Variants in ELMO1 observed in about 807,000 individuals in gnomAD.
ELMO1 encodes the protein engulfment and cell motility protein 1.
In ELMO1, 26 loss-of-function variants were observed where a neutral mutation model predicts 98.9. The observed-to-expected ratio is 0.26, with a 90% CI of 0.19 to 0.36. The LOEUF (loss-of-function observed/expected upper bound fraction) is 0.36, where lower values mean the gene tolerates loss of function less well. Ranked by LOEUF, ELMO1 falls within the 10% of genes least tolerant of loss-of-function variation. The pLI, the probability that ELMO1 is intolerant of heterozygous loss-of-function variation, is 1.00. For missense variants in ELMO1, 627 were observed against 935.2 expected (o/e 0.67, Z 4.30); for synonymous variants, 346 against 346.0 (o/e 1.00, Z 0.00).
intron 15 of ELMO1, among the ~76,000 whole-genome samples, chr7:37,017,628 G>A (rs897516577): frequency 6.6e-6 from 1 of 152,124 alleles, no homozygotes; most frequent in Non-Finnish European, 1.5e-5. Flanking sequence ...ACTGATGACT[G>A]GAGCTCCTGC....
chr7:37,347,827 T>G (rs1401454881), intron 1 of ELMO1, among the ~76,000 whole-genome samples: 2 of 152,172 alleles, frequency 1.3e-5, no homozygotes, highest in Admixed American at 1.3e-4. Flanking sequence ...ATCCTTGAAC[T>G]GGACACAAGG....
intron 1 of ELMO1, among the ~76,000 whole-genome samples, chr7:37,361,815 A>T (rs62462587): frequency 0.17 from 26,007 of 152,042 alleles, 2,860 homozygotes; most frequent in East Asian, 0.59. Flanking sequence ...AAAAAAATTA[A>T]CCAGGCGTGG....
intron 15 of ELMO1, among the ~76,000 whole-genome samples, chr7:37,080,600 A>ATTTTTTTTTTTTTTTTTTTT (rs764259726): frequency 5.7e-5 from 6 of 105,238 alleles, no homozygotes; most frequent in Admixed American, 1.1e-4. Flanking sequence ...ACCACGCCTA[A>ATTTTTTTTTTTTTTTTTTTT]TTTTTTTTTT....
At chr7:37,420,236 G>T (rs1176876375) in intron 1 of ELMO1, among the ~76,000 whole-genome samples, 1 of 152,184 alleles carries the variant, frequency 6.6e-6, no homozygotes, top group Admixed American at 6.5e-5. Context: ...CACTTCAACA[G>T]CACGAAGTGC....
chr7:37,250,475 T>C (rs772813355), intron 6 of ELMO1, among the ~76,000 whole-genome samples: 1 of 152,218 alleles, frequency 6.6e-6, no homozygotes, highest in Non-Finnish European at 1.5e-5. Context: ...TGCTTTTTTA[T>C]ATACTTTTCA....
intron 16 of ELMO1, among the ~76,000 whole-genome samples, chr7:36,957,709 T>C (rs1788585150): frequency 6.6e-6 from 1 of 152,224 alleles, no homozygotes; most frequent in South Asian, 2.1e-4. Flanking sequence ...CTCTCTCTAG[T>C]ATGCCCATTC....
At chr7:37,329,451 A>G (rs748836378) in intron 2 of ELMO1, among the ~76,000 whole-genome samples, 5 of 151,998 alleles carry the variant, frequency 3.3e-5, no homozygotes, top group Non-Finnish European at 7.4e-5. Context: ...AACTATGACA[A>G]CTCTTAAAGG....
chr7:37,281,246 G>A (rs915377716), intron 4 of ELMO1, among the ~76,000 whole-genome samples: 3 of 150,750 alleles, frequency 2.0e-5, no homozygotes, highest in African/African-American at 7.3e-5. Flanking sequence ...GCGGGAGGGG[G>A]GTGAGGGATA....
At chr7:37,225,966 C>A (rs116545915) in intron 8 of ELMO1, among the ~76,000 whole-genome samples, 2 of 152,148 alleles carry the variant, frequency 1.3e-5, no homozygotes, top group Admixed American at 1.3e-4. Context: ...CTGCTTCCCC[C>A]CTGTCAACAC....
At chr7:36,954,308 G>C (rs867445786) in intron 16 of ELMO1, among the ~76,000 whole-genome samples, 11 of 152,134 alleles carry the variant, frequency 7.2e-5, no homozygotes, top group African/African-American at 2.4e-4. Context: ...TCAGAATTAG[G>C]GTTCTGGCCA....
intron 17 of ELMO1, 124 bp downstream of exon 17, chr7:36,894,730 G>A: frequency 8.3e-7 from 1 of 1,208,228 alleles, no homozygotes; most frequent in Non-Finnish European, 1.2e-6. Flanking sequence ...GAGATACTTG[G>A]AATGTCTTCT....
At chr7:37,078,868 T>C (rs907706629) in intron 15 of ELMO1, among the ~76,000 whole-genome samples, 32 of 152,212 alleles carry the variant, frequency 2.1e-4, no homozygotes, top group Middle Eastern at 3.4e-3. Flanking sequence ...TATTAAATAA[T>C]AGAATATTTA....
rs373980579 is a variant in ELMO1, at chr7:37,341,485, G to A, written c.78+1128C>T. On this transcript the variant is annotated intron_variant, in intron 2 of 21. Transcript: ENST00000310758. ...TTTGTATAGGTTCCTTCTTGAGTCA[G>A]TAGAAAACTACCTCAGAGAGCAGTT... 3.3e-5 allele frequency among the ~76,000 whole-genome samples: 5 copies of A among 152,316 alleles called. No individual in the cohort carries two copies. In the East Asian group the frequency reaches 9.6e-4, roughly 29 times the overall value.
intron 15 of ELMO1, among the ~76,000 whole-genome samples, chr7:37,031,013 T>G (rs1300557967): frequency 6.6e-6 from 1 of 152,172 alleles, no homozygotes; most frequent in Non-Finnish European, 1.5e-5. Context: ...ATCTCAGCTA[T>G]TTTTGCTCAG....
chr7:37,083,288 C>A (rs1783577977), intron 15 of ELMO1, among the ~76,000 whole-genome samples: 1 of 152,158 alleles, frequency 6.6e-6, no homozygotes. Flanking sequence ...TAGGAATCAA[C>A]TGCAGAGTCT....
intron 15 of ELMO1, among the ~76,000 whole-genome samples, chr7:37,046,304 G>C (rs1795793151): frequency 6.6e-6 from 1 of 152,188 alleles, no homozygotes; most frequent in Admixed American, 6.5e-5. Flanking sequence ...ACACATATAA[G>C]TAAGTCAGAA....
At chr7:36,894,651 C>A (rs1380027291) in intron 17 of ELMO1, among the ~76,000 whole-genome samples, 1 of 152,182 alleles carries the variant, frequency 6.6e-6, no homozygotes, top group Non-Finnish European at 1.5e-5. Flanking sequence ...TCCATTCTTC[C>A]AGCAACTGGC....
chr7:36,969,860 C>A (rs1789765718), intron 16 of ELMO1, among the ~76,000 whole-genome samples: 1 of 152,020 alleles, frequency 6.6e-6, no homozygotes, highest in Admixed American at 6.6e-5. Context: ...GTAAAACATT[C>A]CCTTTATGAA....
intron 13 of ELMO1, among the ~76,000 whole-genome samples, chr7:37,162,646 A>G (rs1281196419): frequency 6.6e-6 from 1 of 152,248 alleles, no homozygotes; most frequent in Non-Finnish European, 1.5e-5. Flanking sequence ...AGTTGAAAAC[A>G]GGACTTGTAA....
Sources: gnomAD v4.1 joint callset for allele counts (sites outside exome capture counted in the v4.1 genomes callset) on GRCh38, gnomAD v4.1.1 for gene constraint, MANE v1.5 for transcripts, NCBI Gene and HGNC (gene_info 2026-07-23, HGNC 2026-07-21) for gene names.